The following PTPN11 variants were observed in gnomAD, a reference collection of about 807,000 sequenced individuals.
PTPN11 encodes the protein protein tyrosine phosphatase non-receptor type 11.
In PTPN11, 6 loss-of-function variants were observed where a neutral mutation model predicts 78.8. That is an observed-to-expected ratio of 0.08 (90% CI 0.04 to 0.15). PTPN11 has a LOEUF of 0.15. PTPN11 is among the 10% of genes least tolerant of loss of function. The pLI is 1.00. For synonymous variants in PTPN11, 221 were observed against 263.5 expected, an observed-to-expected ratio of 0.84 and a Z score of 1.56; for missense variants, 386 against 744.8, an observed-to-expected ratio of 0.52 and a Z score of 5.61.
intron 3 of PTPN11, among the ~76,000 whole-genome samples, chr12:112,450,758 C>CATA (rs759239937): frequency 7.2e-5 from 11 of 152,212 alleles, no homozygotes; most frequent in Non-Finnish European, 1.3e-4. Flanking sequence ...ACCATTCCTG[C>CATA]ATATACTTGG....
chr12:112,489,048 C>T lies in PTPN11; in HGVS notation c.1472C>T (p.Pro491Leu), dbSNP rs397507540. ...GGTGTTGACTGCGATATTGACGTTC[C>T]CAAAACCATCCAGATGGTGCGGTCT... ...EKGVDCDIDVPKTIQMVRSQR... is the reference protein window; with the variant it reads ...EKGVDCDIDVLKTIQMVRSQR... Residue 491 changes from proline (P) to leucine (L), a missense_variant, in exon 13 of 16, where the codon CCC becomes CTC. Pro to Leu is a moderately conservative substitution (Grantham distance 98). Coordinates refer to ENST00000351677, the MANE Select transcript of PTPN11 (RefSeq NM_002834.5). 2 of 1,613,948 alleles carry T rather than the reference C, an allele frequency of 1.2e-6. No homozygotes were observed. The highest frequency in any genetic ancestry group is 1.7e-6 in the Non-Finnish European group (2 of 1,180,022).
At chr12:112,453,160 G>T in intron 3 of PTPN11, 35 bp from the exon 4 acceptor site, 1 of 1,563,370 alleles carries the variant, frequency 6.4e-7, no homozygotes, top group Non-Finnish European at 8.8e-7. Flanking sequence ...ACCCATAGTA[G>T]AGCTAAATTC....
intron 5 of PTPN11, 142 bp downstream of exon 5, chr12:112,454,822 T>A: frequency 1.7e-6 from 1 of 589,280 alleles, no homozygotes; most frequent in Non-Finnish European, 3.1e-6. Context: ...TCAAATCTTT[T>A]TTTTTTTTTT....
rs2135901946 is a variant in PTPN11 at position 112,477,922 on chromosome 12, C to T, written c.999C>T (p.Cys333=). ...PKKSYIATQG[C]LQNTVNDFWR... ...AGAGTTACATTGCCACACAAGGCTG[C>T]CTGCAAAACACGGTGAATGACTTTT... The change falls in exon 9 of 16, where the codon TGC becomes TGT. Residue 333 remains cysteine, a synonymous_variant. Transcript: ENST00000351677. 2 of 1,614,162 alleles carry T rather than the reference C, an allele frequency of 1.2e-6. No homozygotes were observed. Among genetic ancestry groups the T allele is most frequent in the Non-Finnish European group, 8.5e-7 (1 of 1,180,014 alleles).
chr12:112,485,852 G>T lies in PTPN11; in HGVS notation c.1225-623G>T, dbSNP rs575876440. Among the ~76,000 whole-genome samples the T allele has an allele frequency of 3.3e-5, 5 of 152,022 alleles. No individual in the cohort carries two copies. The South Asian group carries it at 1.0e-3, about 32-fold the overall frequency. On this transcript the variant is annotated intron_variant, in intron 10 of 15. Coordinates refer to ENST00000351677, the MANE Select transcript of PTPN11 (RefSeq NM_002834.5). ...AAAAATTAGCCAGGCATGGTGATGT[G>T]TGCCTGTAATCCCAGCTACTTGGGA...
chr12:112,419,164 G>C, intron 1 of PTPN11, 39 bp downstream of exon 1: 3 of 1,483,946 alleles, frequency 2.0e-6, no homozygotes, highest in Non-Finnish European at 2.7e-6. Context: ...GCCTCGGCCC[G>C]GCCACCGCCG....
At chr12:112,474,612 C>CTTAT (rs1204279226) in intron 7 of PTPN11, among the ~76,000 whole-genome samples, 1 of 149,100 alleles carries the variant, frequency 6.7e-6, no homozygotes, top group African/African-American at 2.5e-5. Context: ...CTTTTTTCTA[C>CTTAT]TTATTTATTT....
At position 112,445,856 on chromosome 12, in the gene PTPN11, T is replaced by C. The variant is rs139487796; in HGVS notation, c.15-420T>C. Among the ~76,000 whole-genome samples the C allele has an allele frequency of 1.8e-3, 271 of 152,112 alleles. 1 individual carries two copies. The highest frequency in any genetic ancestry group is 6.4e-3 in the African/African-American group (264 of 41,496). ...GGTTTCTCCATGTTGGTCAGGCTGCTCTGGAACTCCCGACCCCAGCTGATC... is the reference window on the plus strand; with the variant it reads ...GGTTTCTCCATGTTGGTCAGGCTGCCCTGGAACTCCCGACCCCAGCTGATC... On this transcript the variant is annotated intron_variant, in intron 1 of 15. Transcript: ENST00000351677.
At chr12:112,485,715 G>C (rs936829982) in intron 10 of PTPN11, among the ~76,000 whole-genome samples, 2 of 152,068 alleles carry the variant, frequency 1.3e-5, no homozygotes, top group Non-Finnish European at 2.9e-5. Flanking sequence ...GGTGGCTCAC[G>C]CCTGTAATCC....
intron 13 of PTPN11, among the ~76,000 whole-genome samples, chr12:112,492,787 G>T (rs1280502582): frequency 6.6e-6 from 1 of 152,140 alleles, no homozygotes; most frequent in African/African-American, 2.4e-5. Flanking sequence ...AAAGTGCTGG[G>T]ATTACAGATG....
chr12:112,499,860 T>C (rs959589531), intron 13 of PTPN11, among the ~76,000 whole-genome samples: 1 of 151,496 alleles, frequency 6.6e-6, no homozygotes, highest in Non-Finnish European at 1.5e-5. Context: ...GAGGATTGCT[T>C]GAGCCCAGGA....
chr12:112,466,776 G>A (rs1248618626), intron 6 of PTPN11, among the ~76,000 whole-genome samples: 1 of 152,174 alleles, frequency 6.6e-6, no homozygotes, highest in Non-Finnish European at 1.5e-5. Flanking sequence ...AATGGTGAGT[G>A]TCATTATTTT....
intron 2 of PTPN11, among the ~76,000 whole-genome samples, chr12:112,449,399 TGGGA>T (rs2038045810): frequency 6.6e-6 from 1 of 151,442 alleles, no homozygotes; most frequent in Non-Finnish European, 1.5e-5. Context: ...CCCAGCTACT[TGGGA>T]GGTTGAGGCA....
intron 11 of PTPN11, chr12:112,486,849 G>A (rs768438159): frequency 1.3e-4 from 191 of 1,432,040 alleles, no homozygotes; most frequent in Non-Finnish European, 1.7e-4. Context: ...AACATGCTCA[G>A]TTAAAACAGC....
rs1050411940 is a variant in PTPN11, at chr12:112,506,878, C to G, written c.*1086C>G. 5.6e-6 allele frequency: 1 copy of G among 179,520 alleles called. No homozygotes were observed. 11.1% of individuals were successfully genotyped at this position (179,520 alleles called of 1,614,324 possible). On this transcript the variant is annotated 3_prime_UTR_variant, in exon 16 of 16. Coordinates refer to ENST00000351677, the MANE Select transcript of PTPN11 (RefSeq NM_002834.5). ...CTCAGAGCTCCCAAGAGCTCAAAAG[C>G]AGAAATGGCCAGGCCTTCTGAAAAC...
At chr12:112,483,267 AG>A (rs2038625051) in intron 10 of PTPN11, among the ~76,000 whole-genome samples, 1 of 149,692 alleles carries the variant, frequency 6.7e-6, no homozygotes, top group Non-Finnish European at 1.5e-5. Flanking sequence ...GGCTCACTGC[AG>A]CCACAACCTC....
At chr12:112,425,015 G>T (rs1485196352) in intron 1 of PTPN11, among the ~76,000 whole-genome samples, 1 of 143,312 alleles carries the variant, frequency 7.0e-6, no homozygotes, top group African/African-American at 2.6e-5. Context: ...TGTGTATGTA[G>T]AGATGGGGTT....
chr12:112,467,265 A>C (rs2038344608), intron 6 of PTPN11, among the ~76,000 whole-genome samples: 1 of 152,088 alleles, frequency 6.6e-6, no homozygotes, highest in Non-Finnish European at 1.5e-5. Context: ...AGTTTATTAG[A>C]TGTGTTAGGC....
At chr12:112,426,518 A>G (rs1268672875) in intron 1 of PTPN11, among the ~76,000 whole-genome samples, 1 of 152,146 alleles carries the variant, frequency 6.6e-6, no homozygotes, top group African/African-American at 2.4e-5. Flanking sequence ...CAGCCTCCCA[A>G]AGTGATGGGA....
Sources: allele counts gnomAD v4.1 joint callset (sites outside exome capture counted in the v4.1 genomes callset), GRCh38; gene constraint gnomAD v4.1.1; transcripts MANE v1.5; gene names NCBI Gene and HGNC (gene_info 2026-07-23, HGNC 2026-07-21).